The following MED24 variants were observed in gnomAD, a reference collection of about 807,000 sequenced individuals.
MED24 encodes mediator complex subunit 24, also known as mediator of RNA polymerase II transcription subunit 24.
Under a neutral mutation model 118.8 loss-of-function variants are expected in MED24, and 74 were observed. That is an observed-to-expected ratio of 0.62 (90% CI 0.52 to 0.76). The LOEUF is 0.76. Among genes scored for constraint, MED24 ranks in the 30% least tolerant of loss-of-function variants. The probability of loss-of-function intolerance (pLI) is 0.00; values close to 1 mark genes in which losing one functional copy is unlikely to be tolerated. For synonymous variants in MED24, 521 were observed against 523.9 expected (o/e 0.99, Z 0.08); for missense variants, 1,041 against 1,278.9 (o/e 0.81, Z 2.84).
rs779376836 is a variant in MED24, at chr17:40,026,940, G to A, written c.1625C>T (p.Pro542Leu). ...CMPEEGKILNPDHPCFRPDST... is the reference protein window; with the variant it reads ...CMPEEGKILNLDHPCFRPDST... ...GTCGGGGCGGAAGCAGGGGTGGTCA[G>A]GGTTCAGGATCTTGCCCTCCTCAGG... The change falls in exon 17 of 26, where the codon CCT becomes CTT. Residue 542 changes from proline (P) to leucine (L), a missense_variant. Physicochemically the swap from Pro to Leu is moderately conservative, Grantham distance 98. Transcript: ENST00000394128. 3.1e-6 allele frequency: 5 copies of A among 1,614,210 alleles called. No individual in the cohort carries two copies. Among genetic ancestry groups the A allele is most frequent in the Admixed American group, 1.7e-5 (1 of 60,020 alleles).
At chr17:40,041,870 G>A (rs899759926) in intron 3 of MED24, among the ~76,000 whole-genome samples, 1 of 152,202 alleles carries the variant, frequency 6.6e-6, no homozygotes, top group South Asian at 2.1e-4. Flanking sequence ...CTAAATCAGG[G>A]GTTGGAAAAC....
At chr17:40,029,463 G>T (rs887151193) in intron 13 of MED24, among the ~76,000 whole-genome samples, 1 of 152,160 alleles carries the variant, frequency 6.6e-6, no homozygotes, top group South Asian at 2.1e-4. Context: ...CTCCCAAAAT[G>T]CTGGGATTAC....
chr17:40,029,965 G>A (rs1983170015), intron 12 of MED24, 106 bp from the exon 13 acceptor site: 1 of 964,654 alleles, frequency 1.0e-6, no homozygotes, highest in Non-Finnish European at 1.6e-6. Context: ...GAGGTGGGAA[G>A]CATGTAAGAA....
intron 10 of MED24, 103 bp from the exon 11 acceptor site, chr17:40,031,723 G>T: frequency 1.8e-6 from 2 of 1,105,796 alleles, no homozygotes; most frequent in Non-Finnish European, 1.3e-6. Flanking sequence ...TTGCCTGGCT[G>T]CTTTCTGCCT....
intron 6 of MED24, 135 bp downstream of exon 6, chr17:40,034,982 A>AG: frequency 6.2e-7 from 1 of 1,608,118 alleles, no homozygotes; most frequent in African/African-American, 1.3e-5. Context: ...GCTTATGGGG[A>AG]GAAAAAAAAG....
At chr17:40,048,518 T>C (rs575563384) in intron 3 of MED24, among the ~76,000 whole-genome samples, 10 of 152,294 alleles carry the variant, frequency 6.6e-5, no homozygotes, top group Non-Finnish European at 8.8e-5. Context: ...ATAAAAGATC[T>C]ATTCAAGGTG....
Position 40,053,367 on chromosome 17 carries a change from C to A in MED24, c.144G>T (p.Glu48Asp). The part of the protein sequence containing the change: ...DILNLADALL[E>D]QAMIGPSPNP... ...TGGGGGATGGTCCAATCATGGCCTG[C>A]TCTAGTAACGCATCTGCAAGAGGAA... The change falls in exon 3 of 26, where the codon GAG becomes GAT. Residue 48 changes from glutamate to aspartate, a missense_variant. Transcript: ENST00000394128. 6.2e-7 allele frequency: 1 copy of A among 1,613,388 alleles called. No individual in the cohort carries two copies. The highest frequency in any genetic ancestry group is 8.5e-7 in the Non-Finnish European group (1 of 1,179,516).
chr17:40,052,581 G>A (rs1284386997), intron 3 of MED24, among the ~76,000 whole-genome samples: 6 of 152,178 alleles, frequency 3.9e-5, no homozygotes, highest in Non-Finnish European at 7.3e-5. Flanking sequence ...ATAGGTGAAT[G>A]TAATCCTCTT....
At chr17:40,030,476 A>G (rs1454068797) in intron 12 of MED24, among the ~76,000 whole-genome samples, 1 of 151,096 alleles carries the variant, frequency 6.6e-6, no homozygotes, top group African/African-American at 2.4e-5. Flanking sequence ...TTGTATTTTT[A>G]GTAGAGATGG....
At chr17:40,032,572 G>C in intron 9 of MED24, 77 bp downstream of exon 9, 1 of 1,179,168 alleles carries the variant, frequency 8.5e-7, no homozygotes. Context: ...AGGAACACAG[G>C]GCAAAGGTCC....
At chr17:40,028,044 T>C in intron 14 of MED24, 98 bp from the exon 15 acceptor site, 1 of 1,231,784 alleles carries the variant, frequency 8.1e-7, no homozygotes, top group Non-Finnish European at 1.2e-6. Flanking sequence ...AGCTAGAGTC[T>C]GAGTTACTGG....
intron 3 of MED24, 119 bp downstream of exon 3, chr17:40,053,179 C>A (rs1356413806): frequency 4.1e-6 from 4 of 971,198 alleles, no homozygotes; most frequent in Non-Finnish European, 6.1e-6. Context: ...AAGCAATCCG[C>A]CTGCCTCAGC....
chr17:40,040,650 A>C (rs1984465924), intron 3 of MED24, among the ~76,000 whole-genome samples: 1 of 145,842 alleles, frequency 6.9e-6, no homozygotes, highest in African/African-American at 2.6e-5. Flanking sequence ...ACAGATTCTC[A>C]CTCTGTTGCC....
At chr17:40,020,404 A>C in intron 23 of MED24, 51 bp from the exon 24 acceptor site, 1 of 1,558,612 alleles carries the variant, frequency 6.4e-7, no homozygotes. Flanking sequence ...CGAGTGCAAA[A>C]GTGGTGCTCC....
intron 19 of MED24, 144 bp downstream of exon 19, chr17:40,026,012 G>C: frequency 1.3e-6 from 1 of 795,782 alleles, no homozygotes; most frequent in Non-Finnish European, 2.0e-6. Context: ...TGAGTCAGAT[G>C]AGTGAATGCA....
chr17:40,050,721 G>A (rs1985746110), intron 3 of MED24, among the ~76,000 whole-genome samples: 1 of 152,210 alleles, frequency 6.6e-6, no homozygotes, highest in Non-Finnish European at 1.5e-5. Context: ...AATATAAAAG[G>A]TGGGAAGGTG....
chr17:40,043,953 A>C (rs1474438812), intron 3 of MED24, among the ~76,000 whole-genome samples: 1 of 150,116 alleles, frequency 6.7e-6, no homozygotes, highest in East Asian at 2.0e-4. Context: ...ACATGGAGAA[A>C]CCCTGTCTCT....
At chr17:40,026,815 C>T in intron 17 of MED24, 41 bp downstream of exon 17, 1 of 1,610,920 alleles carries the variant, frequency 6.2e-7, no homozygotes, top group Non-Finnish European at 8.5e-7. Flanking sequence ...CTTGACCCTG[C>T]CCCCACCGCC....
chr17:40,040,147 C>T (rs1439973267), intron 3 of MED24, among the ~76,000 whole-genome samples: 3 of 151,356 alleles, frequency 2.0e-5, no homozygotes, highest in South Asian at 4.2e-4. Context: ...GGCACAATCT[C>T]GGCTCACTGC....
Sources: gnomAD v4.1 joint callset for allele counts (sites outside exome capture counted in the v4.1 genomes callset) on GRCh38, gnomAD v4.1.1 for gene constraint, MANE v1.5 for transcripts, NCBI Gene and HGNC (gene_info 2026-07-23, HGNC 2026-07-21) for gene names.